The following AZIN1 variants were observed in gnomAD, a reference collection of about 807,000 sequenced individuals.
AZIN1 encodes the protein antizyme inhibitor 1, also known as ornithine decarboxylase antizyme inhibitor.
A neutral mutation model predicts 47.4 loss-of-function variants in AZIN1; 12 were observed. The observed-to-expected ratio is 0.25, with a 90% confidence interval of 0.16 to 0.41. The LOEUF (loss-of-function observed/expected upper bound fraction) is 0.41. AZIN1 is among the 10% of genes least tolerant of loss of function. The pLI is 1.00. For missense variants in AZIN1, 410 were observed against 532.4 expected, an observed-to-expected ratio of 0.77 and a Z score of 2.26; for synonymous variants, 155 against 176.3, an observed-to-expected ratio of 0.88 and a Z score of 0.96.
intron 9 of AZIN1, 142 bp from the exon 10 acceptor site, chr8:102,830,078 A>C: frequency 1.6e-6 from 1 of 619,340 alleles, no homozygotes; most frequent in Non-Finnish European, 2.8e-6. Flanking sequence ...AAGATAACCA[A>C]TGAGCACAAG....
At chr8:102,859,060 G>A (rs1813464702) in intron 1 of AZIN1, 1 of 152,210 alleles carries the variant, frequency 6.6e-6, no homozygotes, top group South Asian at 2.1e-4. Context: ...CAGAAGCACT[G>A]TAGGCATACC....
intron 2 of AZIN1, among the ~76,000 whole-genome samples, chr8:102,844,853 G>A (rs1812461622): frequency 6.6e-6 from 1 of 152,124 alleles, no homozygotes; most frequent in African/African-American, 2.4e-5. Context: ...TCAAATCAAT[G>A]AAATAAACCT....
intron 9 of AZIN1, among the ~76,000 whole-genome samples, chr8:102,830,837 G>A (rs550723364): frequency 6.6e-6 from 1 of 152,248 alleles, no homozygotes; most frequent in Admixed American, 6.5e-5. Context: ...TGTATACACT[G>A]CCAGTGGGAA....
chr8:102,834,839 C>T (rs1244247634), intron 6 of AZIN1, 92 bp from the exon 7 acceptor site: 2 of 793,864 alleles, frequency 2.5e-6, no homozygotes, highest in Non-Finnish European at 4.2e-6. Context: ...CATATTCATA[C>T]CATTAAGTAT....
At chr8:102,850,370 C>G (rs1472780195) in intron 2 of AZIN1, among the ~76,000 whole-genome samples, 1 of 152,198 alleles carries the variant, frequency 6.6e-6, no homozygotes, top group African/African-American at 2.4e-5. Flanking sequence ...GCACCCAGCT[C>G]ACAGCTTTAA....
intron 2 of AZIN1, among the ~76,000 whole-genome samples, chr8:102,853,419 T>G (rs1378086947): frequency 6.6e-6 from 1 of 152,164 alleles, no homozygotes; most frequent in Non-Finnish European, 1.5e-5. Flanking sequence ...GGAGAATTGA[T>G]GGAACCCGGG....
intron 9 of AZIN1, among the ~76,000 whole-genome samples, chr8:102,832,805 T>G (rs2131199390): frequency 6.6e-6 from 1 of 152,190 alleles, no homozygotes; most frequent in Non-Finnish European, 1.5e-5. Context: ...CATGACCAGC[T>G]AAGTTTTATA....
intron 6 of AZIN1, among the ~76,000 whole-genome samples, chr8:102,836,009 C>G (rs963031897): frequency 1.3e-5 from 2 of 152,098 alleles, no homozygotes; most frequent in Non-Finnish European, 2.9e-5. Flanking sequence ...CTAACTGAAT[C>G]AAAATATTAT....
intron 10 of AZIN1, 149 bp downstream of exon 10, chr8:102,829,672 A>C: frequency 1.2e-6 from 1 of 803,700 alleles, no homozygotes; most frequent in Non-Finnish European, 2.0e-6. Context: ...ACAAACTAAA[A>C]AAGGGACTCC....
chr8:102,841,180 T>C (rs1299587231), intron 3 of AZIN1, among the ~76,000 whole-genome samples: 1 of 152,166 alleles, frequency 6.6e-6, no homozygotes, highest in Non-Finnish European at 1.5e-5. Flanking sequence ...AGGAGGTCAC[T>C]ATAATGACAT....
chr8:102,834,332 C>T (rs922845733), intron 7 of AZIN1, 69 bp from the exon 8 acceptor site: 4 of 1,326,992 alleles, frequency 3.0e-6, no homozygotes, highest in Non-Finnish European at 4.3e-6. Flanking sequence ...TTTTAAAAAC[C>T]CCCTCCTAGG....
At chr8:102,858,848 G>T (rs1324422393) in intron 1 of AZIN1, among the ~76,000 whole-genome samples, 2 of 152,164 alleles carry the variant, frequency 1.3e-5, no homozygotes, top group Non-Finnish European at 2.9e-5. Flanking sequence ...TAAGTGCACA[G>T]CACACTATAC....
chr8:102,835,728 TA>T (rs1185916762), intron 6 of AZIN1, among the ~76,000 whole-genome samples: 6 of 152,180 alleles, frequency 3.9e-5, no homozygotes, highest in Non-Finnish European at 7.3e-5. Context: ...TTTACTTTAG[TA>T]AAAGTAGCAA....
At chr8:102,862,244 TAGTA>T (rs1171207988) in intron 1 of AZIN1, among the ~76,000 whole-genome samples, 1 of 152,188 alleles carries the variant, frequency 6.6e-6, no homozygotes, top group Non-Finnish European at 1.5e-5. Flanking sequence ...ATTTAAAAAA[TAGTA>T]AGCGGTACTG....
At chr8:102,840,811 T>C (rs1409491798) in intron 3 of AZIN1, among the ~76,000 whole-genome samples, 1 of 152,166 alleles carries the variant, frequency 6.6e-6, no homozygotes, top group Admixed American at 6.5e-5. Context: ...TATTTGAAAA[T>C]GTCATTAGAA....
chr8:102,838,990 T>G, intron 4 of AZIN1, 74 bp from the exon 5 acceptor site: 1 of 1,332,856 alleles, frequency 7.5e-7, no homozygotes, highest in South Asian at 1.4e-5. Context: ...TCTAATACTA[T>G]TACCCCCACC....
chr8:102,860,623 G>A (rs1404335450), intron 1 of AZIN1, among the ~76,000 whole-genome samples: 1 of 152,144 alleles, frequency 6.6e-6, no homozygotes, highest in Non-Finnish European at 1.5e-5. Flanking sequence ...CTGAGCTCAA[G>A]TGATCCGCCT....
intron 3 of AZIN1, among the ~76,000 whole-genome samples, chr8:102,843,343 G>A (rs1339665084): frequency 4.6e-5 from 7 of 152,126 alleles, no homozygotes; most frequent in Admixed American, 4.6e-4. Context: ...GAAGGTAAAG[G>A]GCCATAGGGA....
At chr8:102,841,204 T>C (rs1376385169) in intron 3 of AZIN1, among the ~76,000 whole-genome samples, 3 of 151,922 alleles carry the variant, frequency 2.0e-5, no homozygotes, top group African/African-American at 4.8e-5. Flanking sequence ...CAAAGACGGA[T>C]AGATAGTGGG....
Sources: allele counts gnomAD v4.1 joint callset (sites outside exome capture counted in the v4.1 genomes callset), GRCh38; gene constraint gnomAD v4.1.1; transcripts MANE v1.5; gene names NCBI Gene and HGNC (gene_info 2026-07-23, HGNC 2026-07-21).